The following PALLD variants were observed in gnomAD, a reference collection of about 807,000 sequenced individuals.
PALLD encodes palladin, cytoskeletal associated protein, also known as palladin.
PALLD carries 61 observed loss-of-function variants against 123.5 expected under a neutral mutation model. That is an observed-to-expected ratio of 0.49 (90% CI 0.40 to 0.61). The LOEUF is 0.61. Ranked by LOEUF, PALLD falls within the 20% of genes least tolerant of loss-of-function variation. The probability of loss-of-function intolerance (pLI) is 0.00; values close to 1 mark genes in which losing one functional copy is unlikely to be tolerated. For synonymous variants in PALLD, 465 were observed against 496.4 expected (o/e 0.94, Z 0.84); for missense variants, 1,273 against 1,377.0 (o/e 0.92, Z 1.20).
At chr4:168,855,068 A>G in intron 10 of PALLD, among the ~76,000 whole-genome samples, 1 of 150,600 alleles carries the variant, frequency 6.6e-6, no homozygotes, top group Admixed American at 6.6e-5. Context: ...TATATTTGGG[A>G]TAATGCTGAG....
chr4:168,677,157 C>T (rs1382198328), intron 3 of PALLD, among the ~76,000 whole-genome samples: 2 of 151,876 alleles, frequency 1.3e-5, no homozygotes, highest in Non-Finnish European at 2.9e-5. Context: ...AAGACGTTAA[C>T]CTGAGACTCC....
intron 1 of PALLD, among the ~76,000 whole-genome samples, chr4:168,501,014 A>G (rs1053669249): frequency 6.6e-6 from 1 of 152,250 alleles, no homozygotes; most frequent in Non-Finnish European, 1.5e-5. Flanking sequence ...ATAGTATACC[A>G]TGAATCTAAC....
chr4:168,823,496 G>A (rs531690285), intron 10 of PALLD, among the ~76,000 whole-genome samples: 54 of 152,076 alleles, frequency 3.6e-4, no homozygotes, highest in African/African-American at 1.1e-3. Context: ...ACTGGGCAAC[G>A]TGGTGAGACC....
intron 2 of PALLD, among the ~76,000 whole-genome samples, chr4:168,518,250 C>T (rs1012223967): frequency 6.6e-6 from 1 of 152,212 alleles, no homozygotes; most frequent in Non-Finnish European, 1.5e-5. Flanking sequence ...TGAGGCTGCA[C>T]GTCAAGCCAC....
intron 10 of PALLD, among the ~76,000 whole-genome samples, chr4:168,783,046 A>ATGTGTGTGTGTG (rs150595576): frequency 3.1e-4 from 36 of 116,166 alleles, no homozygotes; most frequent in African/African-American, 8.4e-4. Flanking sequence ...TTATATATAT[A>ATGTGTGTGTGTG]TGTGTGTGTG....
At chr4:168,538,071 C>T (rs1480887608) in intron 2 of PALLD, among the ~76,000 whole-genome samples, 1 of 152,142 alleles carries the variant, frequency 6.6e-6, no homozygotes, top group Non-Finnish European at 1.5e-5. Context: ...CCAAAACAAG[C>T]TGTGTTTTTA....
intron 11 of PALLD, among the ~76,000 whole-genome samples, chr4:168,893,403 T>C (rs557043003): frequency 6.6e-6 from 1 of 152,332 alleles, no homozygotes; most frequent in South Asian, 2.1e-4. Flanking sequence ...TGCAGGACTA[T>C]TTGTCATTTG....
At chr4:168,652,093 G>C (rs184010485) in intron 2 of PALLD, among the ~76,000 whole-genome samples, 8 of 152,226 alleles carry the variant, frequency 5.3e-5, no homozygotes, top group Admixed American at 5.2e-4. Flanking sequence ...CTTGTGAAGC[G>C]TCACATACCG....
chr4:168,599,436 T>G (rs548310898), intron 2 of PALLD, among the ~76,000 whole-genome samples: 1 of 152,340 alleles, frequency 6.6e-6, no homozygotes, highest in African/African-American at 2.4e-5. Context: ...CACTTCCACT[T>G]CTACTAATTC....
chr4:168,499,265 AGG>A (rs1172268425), intron 1 of PALLD, among the ~76,000 whole-genome samples: 1 of 40,368 alleles, frequency 2.5e-5, no homozygotes, highest in African/African-American at 1.1e-4. Flanking sequence ...GGAGGAAGGG[AGG>A]GAGGATGGGA....
chr4:168,802,567 A>G (rs1163860016), intron 10 of PALLD, among the ~76,000 whole-genome samples: 1 of 152,250 alleles, frequency 6.6e-6, no homozygotes, highest in Non-Finnish European at 1.5e-5. Context: ...GACACTGCAG[A>G]CGACTAGAGT....
chr4:168,847,936 G>C (rs775555522), intron 10 of PALLD, among the ~76,000 whole-genome samples: 1 of 152,114 alleles, frequency 6.6e-6, no homozygotes, highest in Non-Finnish European at 1.5e-5. Context: ...ATTAGCTGTA[G>C]AACTAATTCT....
chr4:168,811,582 A>G (rs1741118384), intron 10 of PALLD, among the ~76,000 whole-genome samples: 1 of 152,124 alleles, frequency 6.6e-6, no homozygotes, highest in Non-Finnish European at 1.5e-5. Flanking sequence ...AAATTGTTTA[A>G]AAAATTAGCC....
Position 168,636,907 on chromosome 4 carries a change from G to A in PALLD, c.909-31283G>A, listed in dbSNP as rs1776399967. Among the ~76,000 whole-genome samples the A allele has an allele frequency of 2.6e-5, 4 of 152,256 alleles. No individual in the cohort carries two copies. The South Asian group carries it at 8.3e-4, about 32-fold the overall frequency. On this transcript the variant is annotated intron_variant, in intron 2 of 21. Transcript: ENST00000505667. ...AGCAGTGAGTCTTGCCTCCCTGGATGTGAATGTTCAGCCCTGAGATCAATA... is the reference window on the plus strand; with the variant it reads ...AGCAGTGAGTCTTGCCTCCCTGGATATGAATGTTCAGCCCTGAGATCAATA...
chr4:168,703,735 T>C (rs1426649661), intron 8 of PALLD, among the ~76,000 whole-genome samples: 1 of 143,978 alleles, frequency 6.9e-6, no homozygotes, highest in African/African-American at 2.7e-5. Flanking sequence ...TCATATCCTT[T>C]GCCCACTTTT....
chr4:168,604,118 A>C (rs1316453857), intron 2 of PALLD, among the ~76,000 whole-genome samples: 3 of 152,216 alleles, frequency 2.0e-5, no homozygotes, highest in Admixed American at 6.5e-5. Context: ...CTGCAGTGAG[A>C]AACAAGAAGG....
intron 10 of PALLD, among the ~76,000 whole-genome samples, chr4:168,826,074 C>T (rs73864650): frequency 0.02 from 3,082 of 152,266 alleles, 109 homozygotes; most frequent in African/African-American, 0.07. Context: ...ACCACTTATT[C>T]AGGAGAATCA....
At chr4:168,890,874 T>A in intron 10 of PALLD, 48 bp from the exon 11 acceptor site, 1 of 1,608,422 alleles carries the variant, frequency 6.2e-7, no homozygotes, top group Non-Finnish European at 8.5e-7. Context: ...TGACTTGGAT[T>A]TATATGCCTG....
chr4:168,905,790 CTTTTTTTTTT>C (rs59427697), intron 15 of PALLD, among the ~76,000 whole-genome samples: 7 of 113,096 alleles, frequency 6.2e-5, no homozygotes, highest in African/African-American at 9.7e-5. Context: ...GCTTTTTTTT[CTTTTTTTTTT>C]TTTTTTTTTT....
Sources: allele counts gnomAD v4.1 joint callset (sites outside exome capture counted in the v4.1 genomes callset), GRCh38; gene constraint gnomAD v4.1.1; transcripts MANE v1.5; gene names NCBI Gene and HGNC (gene_info 2026-07-23, HGNC 2026-07-21).